Variants in FNIP2 observed in about 807,000 individuals in gnomAD.
FNIP2 encodes folliculin interacting protein 2.
Under a neutral mutation model 108.7 loss-of-function variants are expected in FNIP2, and 32 were observed. The observed-to-expected ratio is 0.29, with a 90% CI of 0.22 to 0.40. FNIP2 has a LOEUF of 0.40. FNIP2 is among the 10% of genes least tolerant of loss of function. The pLI is 1.00. For synonymous variants in FNIP2, 480 were observed against 496.7 expected, an observed-to-expected ratio of 0.97 and a Z score of 0.45; for missense variants, 1,202 against 1,381.6, an observed-to-expected ratio of 0.87 and a Z score of 2.06.
rs1197432563 is a variant in FNIP2 at position 158,835,509 on chromosome 4, A to G, written c.727+33A>G. 5 of 1,584,158 alleles carry G rather than the reference A, an allele frequency of 3.2e-6. No individual in the cohort carries two copies. In the African/African-American group the frequency reaches 4.0e-5, roughly 13 times the overall value. ...TACTCTGTTTATTGGTTTAACTAAC[A>G]GAGTGAACTATCTACAGTGGTGTGG... On this transcript the variant is annotated intron_variant, in intron 7 of 16. Transcript: ENST00000264433.
At chr4:158,891,850 C>T (rs945351603) in intron 15 of FNIP2, among the ~76,000 whole-genome samples, 4 of 152,026 alleles carry the variant, frequency 2.6e-5, no homozygotes, top group Admixed American at 6.6e-5. Context: ...TAACAAGGAG[C>T]GGCACTGGAA....
chr4:158,895,863 G>C lies in FNIP2; in HGVS notation c.3264G>C (p.Leu1088=). ...ATGTGAAAGAATTAGGTGTCGTACTGGGGTGAGTTCTGTGAAGTGCCGTCA... is the reference window on the plus strand; with the variant it reads ...ATGTGAAAGAATTAGGTGTCGTACTCGGGTGAGTTCTGTGAAGTGCCGTCA... ...RVHVKELGVV[L]GIESNDLPLL... The change falls in exon 16 of 17, where the codon CTG becomes CTC. Residue 1088 remains leucine (L), a splice_region_variant and synonymous_variant. Coordinates refer to ENST00000264433, the MANE Select transcript of FNIP2 (RefSeq NM_020840.3). 5.0e-6 allele frequency: 8 copies of C among 1,607,872 alleles called. No individual in the cohort carries two copies. The highest frequency in any genetic ancestry group is 6.8e-6 in the Non-Finnish European group (8 of 1,175,304).
intron 1 of FNIP2, among the ~76,000 whole-genome samples, chr4:158,824,818 C>CT (rs1188789409): frequency 1.3e-5 from 2 of 152,156 alleles, no homozygotes; most frequent in Non-Finnish European, 2.9e-5. Flanking sequence ...GTGCAGCAGT[C>CT]TTACACCTTA....
chr4:158,816,918 A>G (rs555612447), intron 1 of FNIP2, among the ~76,000 whole-genome samples: 34 of 152,290 alleles, frequency 2.2e-4, no homozygotes, highest in Non-Finnish European at 4.7e-4. Flanking sequence ...GATATCAGAA[A>G]AGAATAAATA....
At chr4:158,798,446 AT>A (rs1776659394) in intron 1 of FNIP2, among the ~76,000 whole-genome samples, 1 of 152,142 alleles carries the variant, frequency 6.6e-6, no homozygotes, top group Non-Finnish European at 1.5e-5. Context: ...CCCACTGAAT[AT>A]TCCCTATTGC....
intron 16 of FNIP2, among the ~76,000 whole-genome samples, chr4:158,901,277 C>T (rs896965547): frequency 6.6e-6 from 1 of 151,910 alleles, no homozygotes; most frequent in African/African-American, 2.4e-5. Flanking sequence ...GGATTACAGG[C>T]GTGTGCCACG....
At chr4:158,871,358 T>G in intron 14 of FNIP2, 1 of 984,344 alleles carries the variant, frequency 1.0e-6, no homozygotes, top group Non-Finnish European at 1.2e-6. Context: ...CTCATCGCAT[T>G]AAGAAAATCA....
At chr4:158,901,957 G>A (rs1310016789) in intron 16 of FNIP2, among the ~76,000 whole-genome samples, 6 of 151,948 alleles carry the variant, frequency 3.9e-5, no homozygotes, top group African/African-American at 1.5e-4. Context: ...AGAGGAGTTT[G>A]TTATTACCCA....
chr4:158,893,059 G>C (rs774860874), intron 15 of FNIP2: 1 of 152,276 alleles, frequency 6.6e-6, no homozygotes, highest in Non-Finnish European at 1.5e-5. Context: ...CTGGGTTATG[G>C]TCTAGGCTTT....
intron 1 of FNIP2, among the ~76,000 whole-genome samples, chr4:158,784,035 G>C (rs1244084292): frequency 1.3e-5 from 2 of 152,264 alleles, no homozygotes; most frequent in Non-Finnish European, 2.9e-5. Flanking sequence ...TCCAAGTTTT[G>C]AGCCCGAATA....
At chr4:158,902,643 C>G (rs946671765) in intron 16 of FNIP2, among the ~76,000 whole-genome samples, 23 of 152,240 alleles carry the variant, frequency 1.5e-4, no homozygotes, top group Non-Finnish European at 2.8e-4. Flanking sequence ...CTATAAACCC[C>G]TAACTGGGGC....
intron 2 of FNIP2, among the ~76,000 whole-genome samples, chr4:158,827,324 T>C (rs1259196461): frequency 2.0e-5 from 3 of 152,358 alleles, no homozygotes; most frequent in Admixed American, 6.5e-5. Context: ...GTTGAGCAGC[T>C]ATCACTGGGG....
At position 158,868,746 on chromosome 4, in the gene FNIP2, C is replaced by T; in HGVS notation, c.2110C>T (p.Pro704Ser). ...AGACCGGTCAGTGGCCTGGCCTTGC[C>T]CTGACAGACATCTCCGGGAGAAACC... ...LPDRSVAWPC[P>S]DRHLREKPSL... The change falls in exon 13 of 17, where the codon CCT becomes TCT. Residue 704 changes from proline to serine, a missense_variant. Coordinates refer to ENST00000264433, the MANE Select transcript of FNIP2 (RefSeq NM_020840.3). This position sits in a 1 kb window ranked among gnomAD's most constrained non-coding sequence, Gnocchi z 4.6. 6.2e-7 allele frequency: 1 copy of T among 1,613,950 alleles called. No individual in the cohort carries two copies. Among genetic ancestry groups the T allele is most frequent in the Non-Finnish European group, 8.5e-7 (1 of 1,179,896 alleles).
At chr4:158,795,330 A>C (rs1359534890) in intron 1 of FNIP2, among the ~76,000 whole-genome samples, 1 of 152,218 alleles carries the variant, frequency 6.6e-6, no homozygotes, top group Non-Finnish European at 1.5e-5. Context: ...CCACTTACTA[A>C]CTGCCTGCTC....
chr4:158,775,139 G>A (rs1276323708), intron 1 of FNIP2, among the ~76,000 whole-genome samples: 1 of 152,158 alleles, frequency 6.6e-6, no homozygotes, highest in East Asian at 1.9e-4. Context: ...AAATACTTTG[G>A]CTGCCAGCAT....
intron 14 of FNIP2, among the ~76,000 whole-genome samples, chr4:158,878,910 TA>T (rs1409109568): frequency 1.5e-5 from 2 of 134,968 alleles, no homozygotes; most frequent in Non-Finnish European, 3.2e-5. Context: ...TCCCTGAAAT[TA>T]AAACTCCAGG....
chr4:158,876,393 A>G (rs562790119), intron 14 of FNIP2, among the ~76,000 whole-genome samples: 4 of 152,324 alleles, frequency 2.6e-5, no homozygotes, highest in Admixed American at 2.6e-4. Flanking sequence ...ATGTCCTTCA[A>G]ATATACACAC....
At chr4:158,852,362 A>T (rs1578915186) in intron 8 of FNIP2, among the ~76,000 whole-genome samples, 1 of 152,160 alleles carries the variant, frequency 6.6e-6, no homozygotes, top group East Asian at 1.9e-4. Flanking sequence ...TGTTCCTTTC[A>T]CAATCCTAGG....
chr4:158,891,625 G>T lies in FNIP2; in HGVS notation c.3129G>T (p.Lys1043Asn), dbSNP rs1268578019. The change falls in exon 15 of 17, where the codon AAG (lysine) becomes AAT (asparagine). Residue 1043 changes from lysine to asparagine, a missense_variant. Lys to Asn is a moderately conservative substitution (Grantham distance 94, BLOSUM62 0). Coordinates refer to ENST00000264433, the MANE Select transcript of FNIP2 (RefSeq NM_020840.3). ...SLLQSILQLY[K>N]LHLPADFCIM... ...TTCAGTCCATTTTACAGCTCTATAA[G>T]CTTCACCTCCCTGCTGATTTTGTAA... The T allele has an allele frequency of 6.2e-7, 1 of 1,612,324 alleles. No individual in the cohort carries two copies. The highest frequency in any genetic ancestry group is 2.2e-5 in the East Asian group (1 of 44,870).
Sources: allele counts gnomAD v4.1 joint callset (sites outside exome capture counted in the v4.1 genomes callset), GRCh38; gene constraint gnomAD v4.1.1; non-coding constraint Gnocchi (gnomAD v3.1); transcripts MANE v1.5; gene names NCBI Gene and HGNC (gene_info 2026-07-23, HGNC 2026-07-21).